EYS: variants seen among roughly 807,000 people sequenced by gnomAD.
EYS encodes EGF-like photoreceptor maintenance factor.
In EYS, 250 loss-of-function variants were observed where a neutral mutation model predicts 282.1. That is an observed-to-expected ratio of 0.89 (90% CI 0.80 to 0.98). The LOEUF (loss-of-function observed/expected upper bound fraction) is 0.98. EYS is among the 50% of genes least tolerant of loss of function. EYS has a pLI of 0.00. For synonymous variants in EYS, 1,355 were observed against 1,282.9 expected, an observed-to-expected ratio of 1.06 and a Z score of -1.20; for missense variants, 4,016 against 3,709.0, an observed-to-expected ratio of 1.08 and a Z score of -2.15.
At chr6:64,635,910 C>G (rs1184890039) in intron 22 of EYS, among the ~76,000 whole-genome samples, 3 of 152,154 alleles carry the variant, frequency 2.0e-5, no homozygotes, top group African/African-American at 4.8e-5. Context: ...ACCAGCTCCT[C>G]CTTGTACCTC....
intron 12 of EYS, among the ~76,000 whole-genome samples, chr6:65,109,514 T>C (rs1040116664): frequency 2.0e-5 from 3 of 152,110 alleles, no homozygotes; most frequent in Non-Finnish European, 4.4e-5. Context: ...GAGTCTTTTC[T>C]GCACGTGTGC....
intron 22 of EYS, among the ~76,000 whole-genome samples, chr6:64,656,837 A>G (rs188326976): frequency 7.9e-4 from 120 of 152,286 alleles, no homozygotes; most frequent in Non-Finnish European, 1.2e-3. Context: ...ATAAATACAC[A>G]GTTTGCTGGA....
Position 63,753,897 on chromosome 6 carries a change from C to T in EYS, c.8071+8564G>A, listed in dbSNP as rs573069036. Among the ~76,000 whole-genome samples the T allele has an allele frequency of 1.1e-4, 16 of 152,296 alleles. No individual in the cohort carries two copies. The South Asian group carries it at 3.1e-3, about 30-fold the overall frequency. ...CCTCATGCTTTTCTGAAGTGGTTCT[C>T]ACCTTAGGAAAGCTATCTCCTTCTC... On this transcript the variant is annotated intron_variant, in intron 41 of 42. Transcript: ENST00000503581.
chr6:64,442,040 A>G (rs994423639), intron 26 of EYS, among the ~76,000 whole-genome samples: 1 of 152,168 alleles, frequency 6.6e-6, no homozygotes, highest in South Asian at 2.1e-4. Flanking sequence ...GGCTCAGAAG[A>G]AGACAGGAAA....
Position 64,902,201 on chromosome 6 carries a change from AC to A in EYS, c.2757del (p.Ser921LeufsTer26). On this transcript the variant is annotated frameshift_variant, in exon 18 of 43. Coordinates refer to ENST00000503581, the MANE Select transcript of EYS (RefSeq NM_001142800.2). LOFTEE classifies it high-confidence loss of function. Reference sequence around the variant, plus strand: ...TCAATTTCACACAGAGATCCAGAAAACCCAGGTCTGCAAATACACCTTTTAA... The same window carrying A: ...TCAATTTCACACAGAGATCCAGAAAACCAGGTCTGCAAATACACCTTTTAA... ...VNNFRCICRP[G>X]FSGSLCEIEI... 6.4e-7 allele frequency: 1 copy of A among 1,550,648 alleles called. No homozygotes were observed. The highest frequency in any genetic ancestry group is 8.7e-7 in the Non-Finnish European group (1 of 1,146,368).
intron 5 of EYS, among the ~76,000 whole-genome samples, chr6:65,441,074 C>T (rs1258469906): frequency 2.0e-5 from 3 of 150,246 alleles, no homozygotes; most frequent in African/African-American, 7.3e-5. Context: ...TAATTAAACT[C>T]ATTAATGACT....
At chr6:65,594,245 T>C (rs1765327707) in intron 2 of EYS, among the ~76,000 whole-genome samples, 1 of 152,030 alleles carries the variant, frequency 6.6e-6, no homozygotes, top group South Asian at 2.1e-4. Flanking sequence ...CACCTCACAA[T>C]ATCCCTGTGA....
chr6:64,482,174 G>T (rs1192501703), intron 26 of EYS, among the ~76,000 whole-genome samples: 2 of 151,434 alleles, frequency 1.3e-5, no homozygotes, highest in Non-Finnish European at 3.0e-5. Flanking sequence ...TTTCTTAGAA[G>T]GTACTAGCAA....
chr6:64,965,839 A>G (rs1770077415), intron 14 of EYS, among the ~76,000 whole-genome samples: 1 of 152,168 alleles, frequency 6.6e-6, no homozygotes, highest in African/African-American at 2.4e-5. Flanking sequence ...TATTAGAGAT[A>G]CATAGATTGT....
At chr6:64,292,451 C>T (rs887920574) in intron 30 of EYS, among the ~76,000 whole-genome samples, 3 of 151,956 alleles carry the variant, frequency 2.0e-5, no homozygotes, top group Non-Finnish European at 2.9e-5. Context: ...TGCTAGAGAG[C>T]TAGGGGTTAA....
intron 35 of EYS, among the ~76,000 whole-genome samples, chr6:63,877,601 G>T (rs1200096383): frequency 2.0e-5 from 3 of 150,706 alleles, no homozygotes; most frequent in Non-Finnish European, 4.4e-5. Flanking sequence ...ACACTTTCAG[G>T]TACACCAATC....
intron 22 of EYS, among the ~76,000 whole-genome samples, chr6:64,664,822 C>T (rs1033263427): frequency 1.3e-5 from 2 of 152,144 alleles, no homozygotes; most frequent in African/African-American, 4.8e-5. Context: ...TCTTGGACTT[C>T]CCATCCTCCA....
At chr6:65,296,862 G>A (rs1768681239) in intron 11 of EYS, among the ~76,000 whole-genome samples, 4 of 151,702 alleles carry the variant, frequency 2.6e-5, no homozygotes, top group African/African-American at 7.2e-5. Flanking sequence ...TTATGTAAAT[G>A]TATTTTAAAT....
chr6:64,462,156 C>T (rs188050102), intron 26 of EYS, among the ~76,000 whole-genome samples: 1 of 152,290 alleles, frequency 6.6e-6, no homozygotes, highest in East Asian at 1.9e-4. Flanking sequence ...AAAAAACCTA[C>T]TTCACAATTT....
chr6:64,696,336 G>A (rs937384457), intron 22 of EYS, among the ~76,000 whole-genome samples: 3 of 152,040 alleles, frequency 2.0e-5, no homozygotes, highest in African/African-American at 7.2e-5. Context: ...GAATTTTAAA[G>A]AATAAACAAA....
chr6:65,351,909 G>A (rs897592104), intron 9 of EYS, among the ~76,000 whole-genome samples: 1 of 151,758 alleles, frequency 6.6e-6, no homozygotes. Flanking sequence ...AAAAACAACT[G>A]AACTGACACA....
intron 31 of EYS, among the ~76,000 whole-genome samples, chr6:64,098,877 A>C (rs758000632): frequency 6.6e-6 from 1 of 152,158 alleles, no homozygotes; most frequent in Non-Finnish European, 1.5e-5. Flanking sequence ...TGCTGGGATT[A>C]CAAGCATGAG....
At chr6:65,255,297 G>A (rs1767431098) in intron 12 of EYS, among the ~76,000 whole-genome samples, 2 of 152,022 alleles carry the variant, frequency 1.3e-5, no homozygotes, top group African/African-American at 4.8e-5. Context: ...TCTTCAATAA[G>A]TGGTGCTAGG....
At chr6:65,625,839 T>C (rs1766671161) in intron 2 of EYS, among the ~76,000 whole-genome samples, 1 of 152,330 alleles carries the variant, frequency 6.6e-6, no homozygotes, top group Non-Finnish European at 1.5e-5. Context: ...CTTAATGTAG[T>C]CCCTGAAGTT....
Sources: gnomAD v4.1 joint callset for allele counts (sites outside exome capture counted in the v4.1 genomes callset) on GRCh38, gnomAD v4.1.1 for gene constraint, MANE v1.5 for transcripts, NCBI Gene and HGNC (gene_info 2026-07-23, HGNC 2026-07-21) for gene names.